Variants in BBOX1 observed in about 807,000 individuals in gnomAD.
The protein encoded by BBOX1 is gamma-butyrobetaine hydroxylase 1.
BBOX1 carries 35 observed loss-of-function variants against 41.6 expected under a neutral mutation model. The observed-to-expected ratio is 0.84, with a 90% CI of 0.64 to 1.11. The LOEUF is 1.11. BBOX1 is among the 50% of genes most tolerant of loss of function. The pLI is 0.00. For synonymous variants in BBOX1, 163 were observed against 154.7 expected, an observed-to-expected ratio of 1.05 and a Z score of -0.40; for missense variants, 458 against 460.6, an observed-to-expected ratio of 0.99 and a Z score of 0.05.
intron 4 of BBOX1, among the ~76,000 whole-genome samples, chr11:27,074,424 T>C (rs938600287): frequency 6.6e-6 from 1 of 152,082 alleles, no homozygotes; most frequent in African/African-American, 2.4e-5. Flanking sequence ...AGTTTGGAAC[T>C]TCCTAGAGGC....
intron 4 of BBOX1, among the ~76,000 whole-genome samples, chr11:27,079,662 G>A (rs186147828): frequency 1.3e-5 from 2 of 152,158 alleles, no homozygotes; most frequent in East Asian, 1.9e-4. Flanking sequence ...GATATATGAT[G>A]GGCAATGATA....
At chr11:27,116,016 G>T (rs1398297019) in intron 6 of BBOX1, among the ~76,000 whole-genome samples, 1 of 151,928 alleles carries the variant, frequency 6.6e-6, no homozygotes, top group Non-Finnish European at 1.5e-5. Context: ...AAAGACACAT[G>T]CACATGTATG....
intron 2 of BBOX1, among the ~76,000 whole-genome samples, chr11:27,045,063 A>G (rs559880833): frequency 2.0e-5 from 3 of 152,348 alleles, no homozygotes; most frequent in Admixed American, 2.0e-4. Flanking sequence ...ATCTATAAGC[A>G]TGGAATGTTT....
At chr11:27,043,759 C>T (rs1332533857) in intron 2 of BBOX1, among the ~76,000 whole-genome samples, 1 of 150,452 alleles carries the variant, frequency 6.6e-6, no homozygotes, top group African/African-American at 2.5e-5. Flanking sequence ...CATGTCCCTG[C>T]GGAGGACATG....
chr11:27,118,834 A>G (rs917448914), intron 6 of BBOX1, among the ~76,000 whole-genome samples: 3 of 151,822 alleles, frequency 2.0e-5, no homozygotes, highest in Non-Finnish European at 4.4e-5. Context: ...TCAGTTCATG[A>G]TGGCAAAATC....
intron 7 of BBOX1, among the ~76,000 whole-genome samples, chr11:27,121,636 T>C (rs146765138): frequency 6.6e-6 from 1 of 152,228 alleles, no homozygotes; most frequent in Non-Finnish European, 1.5e-5. Flanking sequence ...GGAGGAAGTG[T>C]CTGAGAAAAA....
At chr11:27,057,822 A>T (rs1204790863) in intron 4 of BBOX1, among the ~76,000 whole-genome samples, 1 of 152,144 alleles carries the variant, frequency 6.6e-6, no homozygotes, top group Non-Finnish European at 1.5e-5. Context: ...GTACACACAC[A>T]TGCACACAAA....
intron 4 of BBOX1, among the ~76,000 whole-genome samples, chr11:27,077,226 C>T (rs1857663004): frequency 6.6e-6 from 1 of 152,096 alleles, no homozygotes; most frequent in South Asian, 2.1e-4. Flanking sequence ...AAATGGCTTC[C>T]CTCCATCCAT....
intron 4 of BBOX1, among the ~76,000 whole-genome samples, chr11:27,090,133 C>T (rs1858190803): frequency 6.6e-6 from 1 of 151,976 alleles, no homozygotes; most frequent in South Asian, 2.1e-4. Context: ...TGGGGAACTT[C>T]ACGAACATGA....
intron 7 of BBOX1, among the ~76,000 whole-genome samples, chr11:27,122,788 G>GT (rs140084475): frequency 0.025 from 3,659 of 147,828 alleles, 69 homozygotes; most frequent in Middle Eastern, 0.049. Context: ...CCTTTCTTTG[G>GT]TTTTTTTTTT....
intron 2 of BBOX1, among the ~76,000 whole-genome samples, chr11:27,042,910 G>C (rs1225123007): frequency 6.6e-6 from 1 of 151,990 alleles, no homozygotes; most frequent in Non-Finnish European, 1.5e-5. Context: ...GTTATTTAAA[G>C]GTTAAAATAT....
chr11:27,073,536 A>G (rs1249661256), intron 4 of BBOX1, among the ~76,000 whole-genome samples: 1 of 148,564 alleles, frequency 6.7e-6, no homozygotes, highest in Non-Finnish European at 1.5e-5. Context: ...TAGAAATACC[A>G]TTTGACCCAG....
At chr11:27,051,065 T>C (rs1174114030) in intron 2 of BBOX1, among the ~76,000 whole-genome samples, 4 of 152,094 alleles carry the variant, frequency 2.6e-5, no homozygotes, top group Non-Finnish European at 4.4e-5. Context: ...TTTTATCAAA[T>C]GCCACTTCTG....
At position 27,119,810 on chromosome 11, in the gene BBOX1, T is replaced by C. The variant is rs745702627; in HGVS notation, c.801T>C (p.Cys267=). 1 of 1,566,002 alleles carries C rather than the reference T, an allele frequency of 6.4e-7. No homozygotes were observed. Among genetic ancestry groups the C allele is most frequent in the East Asian group, 2.3e-5 (1 of 42,820 alleles). The change falls in exon 7 of 9, where the codon TGT becomes TGC. Residue 267 remains cysteine, a synonymous_variant. Transcript: ENST00000263182. ...VDFTDIGVDY[C]DFSVQSKHKI... ...TTACAGACATTGGAGTGGATTACTG[T>C]GATTTTTCTGTACAATCAAAACATA...
At chr11:27,079,169 T>C (rs1857745789) in intron 4 of BBOX1, among the ~76,000 whole-genome samples, 1 of 152,116 alleles carries the variant, frequency 6.6e-6, no homozygotes, top group African/African-American at 2.4e-5. Context: ...ATCTCAAAGG[T>C]GGACAATTGC....
chr11:27,121,693 TTTTC>T lies in BBOX1; in HGVS notation c.836+1850_836+1853del, dbSNP rs1859471864. Among the ~76,000 whole-genome samples the T allele has an allele frequency of 2.6e-5, 4 of 152,268 alleles. No individual in the cohort carries two copies. The South Asian group carries it at 8.3e-4, about 32-fold the overall frequency. ...TCTAGTCCAGAATAAACCTGAGACG[TTTTC>T]TAAGAATTCACTCATCAAGGTGAAA... is the stretch of plus-strand genomic sequence containing the variant. On this transcript the variant is annotated intron_variant, in intron 7 of 8. Transcript: ENST00000263182.
intron 5 of BBOX1, among the ~76,000 whole-genome samples, chr11:27,095,065 T>G (rs147183910): frequency 2.0e-5 from 3 of 152,092 alleles, no homozygotes; most frequent in African/African-American, 7.2e-5. Context: ...TGCCCACAGA[T>G]AGTAATAAAG....
intron 4 of BBOX1, among the ~76,000 whole-genome samples, chr11:27,085,555 A>ATCTCTCTC (rs59696795): frequency 0.026 from 3,440 of 134,740 alleles, 74 homozygotes; most frequent in South Asian, 0.053. Context: ...ACATTCCCCC[A>ATCTCTCTC]TCTCTCTCTC....
At chr11:27,084,230 C>A (rs1002323476) in intron 4 of BBOX1, among the ~76,000 whole-genome samples, 1 of 152,154 alleles carries the variant, frequency 6.6e-6, no homozygotes, top group Non-Finnish European at 1.5e-5. Flanking sequence ...TGATGCTGAA[C>A]CCCTGTTGCC....
Sources: gnomAD v4.1 joint callset for allele counts (sites outside exome capture counted in the v4.1 genomes callset) on GRCh38, gnomAD v4.1.1 for gene constraint, MANE v1.5 for transcripts, NCBI Gene and HGNC (gene_info 2026-07-23, HGNC 2026-07-21) for gene names.